Variants in PLXNC1 observed in about 807,000 individuals in gnomAD.
The protein encoded by PLXNC1 is plexin-C1.
Under a neutral mutation model 178.2 loss-of-function variants are expected in PLXNC1, and 75 were observed. That is an observed-to-expected ratio of 0.42 (90% CI 0.35 to 0.51). The LOEUF (loss-of-function observed/expected upper bound fraction) is 0.51, where lower values mean the gene tolerates loss of function less well. Among genes scored for constraint, PLXNC1 ranks in the 20% least tolerant of loss-of-function variants. The pLI, the probability that PLXNC1 is intolerant of heterozygous loss-of-function variation, is 0.02. For missense variants in PLXNC1, 1,503 were observed against 1,984.4 expected, an observed-to-expected ratio of 0.76 and a Z score of 4.61; for synonymous variants, 790 against 779.9, an observed-to-expected ratio of 1.01 and a Z score of -0.22.
intron 23 of PLXNC1, chr12:94,282,968 G>A (rs892294615): frequency 6.5e-6 from 1 of 153,314 alleles, no homozygotes; most frequent in Non-Finnish European, 1.5e-5. Context: ...AGAGAAACCT[G>A]CACATAACAA....
At position 94,262,261 on chromosome 12, in the gene PLXNC1, G is replaced by A. The variant is rs552555227; in HGVS notation, c.3450+1421G>A. 3.3e-5 allele frequency among the ~76,000 whole-genome samples: 5 copies of A among 152,336 alleles called. No homozygotes were observed. In the East Asian group the frequency reaches 9.6e-4, roughly 29 times the overall value. On this transcript the variant is annotated intron_variant, in intron 20 of 30. Transcript: ENST00000258526. The stretch of plus-strand genomic sequence containing the variant: ...TTAGAAGCAGCAGGTCTGGGCTCTG[G>A]AACCATCTCAGCCCCGGTCAGCTGT...
chr12:94,243,282 C>T (rs1042337967), intron 11 of PLXNC1, among the ~76,000 whole-genome samples: 17 of 152,342 alleles, frequency 1.1e-4, no homozygotes, highest in South Asian at 2.1e-4. Context: ...TGGTGACCTA[C>T]GTGAACAGGG....
In PLXNC1 at chr12:94,154,258, G is replaced by A. The variant is rs370025363; in HGVS notation, c.1062+4225G>A. On this transcript the variant is annotated intron_variant, in intron 1 of 30. Transcript: ENST00000258526. ...GAAAATTAAGGCCCAGAGAGCTTCT[G>A]TTAGGTTCCATAGCTGGAAAATAGC... Among the ~76,000 whole-genome samples the A allele has an allele frequency of 2.0e-5, 3 of 152,344 alleles. No individual in the cohort carries two copies. In the East Asian group the frequency reaches 5.8e-4, roughly 29 times the overall value.
At chr12:94,227,317 T>C in intron 9 of PLXNC1, 82 bp downstream of exon 9, 2 of 771,718 alleles carry the variant, frequency 2.6e-6, no homozygotes, top group Non-Finnish European at 4.3e-6. Flanking sequence ...TTTGGGTTCC[T>C]TAAAAAAATT....
intron 21 of PLXNC1, among the ~76,000 whole-genome samples, chr12:94,275,142 C>T (rs1056720488): frequency 6.6e-6 from 1 of 152,186 alleles, no homozygotes; most frequent in Non-Finnish European, 1.5e-5. Flanking sequence ...CCCCCACTGT[C>T]CTCCCTACTC....
chr12:94,273,947 T>TC (rs1245119706), intron 21 of PLXNC1, among the ~76,000 whole-genome samples: 8 of 151,978 alleles, frequency 5.3e-5, no homozygotes, highest in South Asian at 2.1e-4. Context: ...CGTCACCATC[T>TC]CCCAGTACCT....
chr12:94,303,734 T>TC, intron 28 of PLXNC1, 22 bp from the exon 29 acceptor site: 1 of 751,142 alleles, frequency 1.3e-6, no homozygotes, highest in Non-Finnish European at 1.7e-6. Flanking sequence ...GATGGTTGCT[T>TC]TTTTTTTTTT....
Position 94,186,481 on chromosome 12 carries a change from C to G in PLXNC1, c.1439+8C>G. 1 of 1,587,888 alleles carries G rather than the reference C, an allele frequency of 6.3e-7. No homozygotes were observed. Among genetic ancestry groups the G allele is most frequent in the Non-Finnish European group, 8.6e-7 (1 of 1,156,128 alleles). Reference sequence around the variant, plus strand: ...GTGCCATTCGCTACAAAGGTATCTCCTGAATTCTTTCTCACCAACTCGCAT... The same window carrying G: ...GTGCCATTCGCTACAAAGGTATCTCGTGAATTCTTTCTCACCAACTCGCAT... On this transcript the variant is annotated splice_region_variant and intron_variant, in intron 4 of 30. Transcript: ENST00000258526.
chr12:94,241,944 T>G (rs888028040), intron 11 of PLXNC1, among the ~76,000 whole-genome samples: 18 of 147,118 alleles, frequency 1.2e-4, no homozygotes, highest in African/African-American at 4.6e-4. Flanking sequence ...TTCAAAGTAC[T>G]CTCTAGGTAA....
chr12:94,213,393 T>C (rs976441482), intron 5 of PLXNC1, among the ~76,000 whole-genome samples: 1 of 152,198 alleles, frequency 6.6e-6, no homozygotes. Context: ...TTGCATTTCT[T>C]TAATGACCAG....
intron 28 of PLXNC1, among the ~76,000 whole-genome samples, chr12:94,302,323 T>A (rs17022386): frequency 6.6e-6 from 1 of 152,166 alleles, no homozygotes; most frequent in African/African-American, 2.4e-5. Context: ...CTTTCCTGTC[T>A]CACAGTCCCT....
rs1161711652 is a variant in PLXNC1, at chr12:94,149,728, T to A, written c.757T>A (p.Tyr253Asn). The A allele has an allele frequency of 6.2e-7, 1 of 1,612,080 alleles. No homozygotes were observed. The highest frequency in any genetic ancestry group is 8.5e-7 in the Non-Finnish European group (1 of 1,179,520). Residue 253 changes from tyrosine to asparagine, a missense_variant, in exon 1 of 31, where the codon TAC becomes AAC. By Grantham distance (143) the Tyr-to-Asn change is moderately radical. Coordinates refer to ENST00000258526, the MANE Select transcript of PLXNC1 (RefSeq NM_005761.3). ...SIYFPYYPYNYTSGAATGWPS... is the reference protein window; with the variant it reads ...SIYFPYYPYNNTSGAATGWPS... ...CTACTTCCCCTACTACCCCTACAAC[T>A]ACACGAGCGGCGCTGCCACCGGCTG...
intron 23 of PLXNC1, among the ~76,000 whole-genome samples, chr12:94,284,957 CTG>C (rs1289970948): frequency 2.6e-5 from 4 of 152,190 alleles, no homozygotes; most frequent in African/African-American, 9.7e-5. Context: ...CCATTAGAAG[CTG>C]TGGATTTCTG....
At chr12:94,188,292 A>T (rs532426832) in intron 4 of PLXNC1, among the ~76,000 whole-genome samples, 1 of 151,566 alleles carries the variant, frequency 6.6e-6, no homozygotes, top group African/African-American at 2.4e-5. Flanking sequence ...TGAAAGCGAA[A>T]GTAGAGTCCA....
intron 4 of PLXNC1, among the ~76,000 whole-genome samples, chr12:94,198,148 T>C (rs1206123603): frequency 1.3e-5 from 2 of 151,992 alleles, no homozygotes; most frequent in African/African-American, 4.8e-5. Context: ...CATGATAGAC[T>C]GGATAAAGAA....
At chr12:94,249,016 C>T (rs371169251) in intron 14 of PLXNC1, among the ~76,000 whole-genome samples, 11 of 151,760 alleles carry the variant, frequency 7.2e-5, no homozygotes, top group Non-Finnish European at 5.9e-5. Context: ...GTATTCATGC[C>T]GTATGAGGCT....
At chr12:94,302,985 T>C (rs1419270256) in intron 28 of PLXNC1, among the ~76,000 whole-genome samples, 1 of 152,256 alleles carries the variant, frequency 6.6e-6, no homozygotes, top group Non-Finnish European at 1.5e-5. Flanking sequence ...TCCTTCAGAA[T>C]GATTCATCAA....
At chr12:94,183,423 G>T (rs1172707113) in intron 3 of PLXNC1, among the ~76,000 whole-genome samples, 2 of 152,112 alleles carry the variant, frequency 1.3e-5, no homozygotes, top group African/African-American at 4.8e-5. Flanking sequence ...CTTCCCTGGG[G>T]ATCCCATCTT....
chr12:94,239,361 C>T (rs1157537896), intron 10 of PLXNC1, among the ~76,000 whole-genome samples: 1 of 152,154 alleles, frequency 6.6e-6, no homozygotes, highest in African/African-American at 2.4e-5. Context: ...AATTTATAAA[C>T]AAGTTTGAAT....
Sources: allele counts gnomAD v4.1 joint callset (sites outside exome capture counted in the v4.1 genomes callset), GRCh38; gene constraint gnomAD v4.1.1; transcripts MANE v1.5; gene names NCBI Gene and HGNC (gene_info 2026-07-23, HGNC 2026-07-21).